The following AUTS2 variants were observed in gnomAD, a reference collection of about 807,000 sequenced individuals.
AUTS2 encodes the protein activator of transcription and developmental regulator AUTS2.
Under a neutral mutation model 112.4 loss-of-function variants are expected in AUTS2, and 17 were observed. The observed-to-expected ratio is 0.15, with a 90% CI of 0.10 to 0.23. The LOEUF (loss-of-function observed/expected upper bound fraction) is 0.23. Ranked by LOEUF, AUTS2 falls within the 10% of genes least tolerant of loss-of-function variation. The pLI, the probability that AUTS2 is intolerant of heterozygous loss-of-function variation, is 1.00. For synonymous variants in AUTS2, 751 were observed against 702.7 expected (o/e 1.07, Z -1.09); for missense variants, 1,510 against 1,701.6 (o/e 0.89, Z 1.98).
chr7:69,849,648 A>G (rs1041599408), intron 1 of AUTS2, among the ~76,000 whole-genome samples: 53 of 151,918 alleles, frequency 3.5e-4, no homozygotes, highest in African/African-American at 1.0e-3. Context: ...TATAAAATAT[A>G]TCACATAAAT....
rs1792287613 is a variant in AUTS2, at chr7:69,599,977, C to T, written c.309+15C>T. ...AAGCGCTGGAGGTAAGGGGGACCCC[C>T]CTTCCCCCGGGTTCCCTTTATGCAC... On this transcript the variant is annotated intron_variant, in intron 1 of 18. Coordinates refer to ENST00000342771, the MANE Select transcript of AUTS2 (RefSeq NM_015570.4). This position sits in a 1 kb window ranked among gnomAD's most constrained non-coding sequence, Gnocchi z 7.0. 27 of 1,612,696 alleles carry T rather than the reference C, an allele frequency of 1.7e-5. No individual in the cohort carries two copies. Among genetic ancestry groups the T allele is most frequent in the Non-Finnish European group, 2.3e-5 (27 of 1,179,530 alleles).
chr7:70,573,054 G>A (rs960024919), intron 5 of AUTS2, among the ~76,000 whole-genome samples: 7 of 151,874 alleles, frequency 4.6e-5, no homozygotes, highest in East Asian at 1.9e-4. Flanking sequence ...CGGAGAGAAC[G>A]GAGTTAATGG....
chr7:70,338,791 C>G (rs1185599777), intron 4 of AUTS2, among the ~76,000 whole-genome samples: 2 of 151,840 alleles, frequency 1.3e-5, no homozygotes, highest in South Asian at 2.1e-4. Flanking sequence ...AACCATGACT[C>G]TCTACTAGGC....
At chr7:69,895,543 T>TCC (rs3043573) in intron 1 of AUTS2, among the ~76,000 whole-genome samples, 14,784 of 131,370 alleles carry the variant, frequency 0.11, 1,160 homozygotes, top group Non-Finnish European at 0.14. Flanking sequence ...TCTCTCTTCT[T>TCC]CCCCCCCCCC....
intron 2 of AUTS2, among the ~76,000 whole-genome samples, chr7:69,947,074 G>C (rs747706430): frequency 6.6e-6 from 1 of 152,152 alleles, no homozygotes; most frequent in Non-Finnish European, 1.5e-5. Context: ...GCTTGTTGTC[G>C]TTACAGATGC....
chr7:70,305,567 C>T (rs907936616), intron 4 of AUTS2, among the ~76,000 whole-genome samples: 15 of 150,042 alleles, frequency 1.0e-4, no homozygotes, highest in African/African-American at 3.6e-4. Flanking sequence ...ACTTGGATTT[C>T]TGTAACTCAT....
At chr7:69,934,066 CAGTT>C (rs1278595429) in intron 2 of AUTS2, among the ~76,000 whole-genome samples, 3 of 152,166 alleles carry the variant, frequency 2.0e-5, no homozygotes, top group African/African-American at 2.4e-5. Flanking sequence ...AAAAGGAAAA[CAGTT>C]AGCTGCGGAA....
chr7:70,139,679 C>T (rs1407641068), intron 4 of AUTS2, among the ~76,000 whole-genome samples: 1 of 152,090 alleles, frequency 6.6e-6, no homozygotes, highest in Non-Finnish European at 1.5e-5. Flanking sequence ...AAAGTTACTA[C>T]ACAAATTTCA....
intron 4 of AUTS2, among the ~76,000 whole-genome samples, chr7:70,239,527 C>T (rs1049138246): frequency 3.9e-5 from 6 of 152,088 alleles, no homozygotes; most frequent in African/African-American, 9.7e-5. Context: ...CCTCTACCTC[C>T]GGAGTTCAAG....
intron 5 of AUTS2, among the ~76,000 whole-genome samples, chr7:70,559,501 AT>A (rs1302724181): frequency 6.6e-6 from 1 of 151,806 alleles, no homozygotes; most frequent in Non-Finnish European, 1.5e-5. Flanking sequence ...CACCCAGCTA[AT>A]TTTTGTATTT....
rs10611601 is a variant in AUTS2 at position 70,579,244 on chromosome 7, TAAAAA to T, written c.691-119311_691-119307del. Reference sequence around the variant, plus strand: ...ATGCCCAGCCTTATATTCTCTTTTCTAAAAAAAAAAAAAAAAAAGATGAAGGGAGG... The same window carrying T: ...ATGCCCAGCCTTATATTCTCTTTTCTAAAAAAAAAAAAAGATGAAGGGAGG... On this transcript the variant is annotated intron_variant, in intron 5 of 18. Transcript: ENST00000342771. 8.9e-5 allele frequency among the ~76,000 whole-genome samples: 5 copies of T among 55,900 alleles called. 1 individual carries two copies. Among genetic ancestry groups the T allele is most frequent in the Non-Finnish European group, 1.3e-4 (4 of 29,902 alleles). 36.7% of individuals were successfully genotyped at this position (55,900 alleles called of 152,430 possible).
intron 2 of AUTS2, among the ~76,000 whole-genome samples, chr7:69,999,834 T>C (rs1422492413): frequency 6.6e-6 from 1 of 152,150 alleles, no homozygotes; most frequent in African/African-American, 2.4e-5. Context: ...ATCTTGCTTG[T>C]GGAAGTGGGC....
chr7:69,729,902 A>G (rs1424964696), intron 1 of AUTS2, among the ~76,000 whole-genome samples: 6 of 151,640 alleles, frequency 4.0e-5, no homozygotes, highest in African/African-American at 1.2e-4. Context: ...TTTGTGCACA[A>G]ATTTGAGCCA....
rs547335550 is a variant in AUTS2 at position 70,283,421 on chromosome 7, A to ACAAACTGACATGT, written c.660+148863_660+148875dup. On this transcript the variant is annotated intron_variant, in intron 4 of 18. Coordinates refer to ENST00000342771, the MANE Select transcript of AUTS2 (RefSeq NM_015570.4). ...TATGTACCTCTAAAAAACTACACTA[A>ACAAACTGACATGT]CAAACTGACATGTCAAACTGACATG... 1.2e-3 allele frequency among the ~76,000 whole-genome samples: 187 copies of ACAAACTGACATGT among 152,292 alleles called. 2 individuals are homozygous for ACAAACTGACATGT. Among genetic ancestry groups the ACAAACTGACATGT allele is most frequent in the African/African-American group, 4.3e-3 (177 of 41,570 alleles).
intron 1 of AUTS2, among the ~76,000 whole-genome samples, chr7:69,855,395 C>T (rs141099329): frequency 1.3e-5 from 2 of 152,244 alleles, no homozygotes; most frequent in East Asian, 3.9e-4. Flanking sequence ...AGACAAGAAA[C>T]CTGACACCTG....
rs112269641 is a variant in AUTS2 at position 69,880,072 on chromosome 7, C to T, written c.310-19214C>T. Among the ~76,000 whole-genome samples the T allele has an allele frequency of 1.1e-3, 160 of 152,228 alleles. 4 individuals carry two copies. Among genetic ancestry groups the T allele is most frequent in the African/African-American group, 3.7e-3 (154 of 41,542 alleles). Reference sequence around the variant, plus strand: ...TTGTCTCATGGTTCTGCAGGCTGTACAAGAAGCATGGTTGGGGAGGCTTCA... The same window carrying T: ...TTGTCTCATGGTTCTGCAGGCTGTATAAGAAGCATGGTTGGGGAGGCTTCA... On this transcript the variant is annotated intron_variant, in intron 1 of 18. Transcript: ENST00000342771.
At chr7:70,115,267 G>A (rs10262102) in intron 2 of AUTS2, among the ~76,000 whole-genome samples, 11,288 of 152,276 alleles carry the variant, frequency 0.074, 514 homozygotes, top group African/African-American at 0.11. Flanking sequence ...ATTAGGAAAA[G>A]CCTTGACACT....
chr7:69,614,314 C>CTCCTTTCTTTCTTTCTTTCTTTCTT (rs1793205152), intron 1 of AUTS2, among the ~76,000 whole-genome samples: 3 of 83,320 alleles, frequency 3.6e-5, no homozygotes, highest in Non-Finnish European at 4.9e-5. Flanking sequence ...CACTCTCCGT[C>CTCCTTTCTTTCTTTCTTTCTTTCTT]TCTTTCTTTC....
At chr7:70,213,815 C>G (rs1178112133) in intron 4 of AUTS2, among the ~76,000 whole-genome samples, 1 of 152,188 alleles carries the variant, frequency 6.6e-6, no homozygotes, top group Non-Finnish European at 1.5e-5. Context: ...TTTTAATTCT[C>G]AGGCTTTATT....
Sources: gnomAD v4.1 joint callset for allele counts (sites outside exome capture counted in the v4.1 genomes callset) on GRCh38, gnomAD v4.1.1 for gene constraint, Gnocchi (gnomAD v3.1) non-coding constraint, MANE v1.5 for transcripts, NCBI Gene and HGNC (gene_info 2026-07-23, HGNC 2026-07-21) for gene names.